Variants in PAX5 observed in about 807,000 individuals in gnomAD.
The protein encoded by PAX5 is paired box 5.
PAX5 carries 9 observed loss-of-function variants against 43.7 expected under a neutral mutation model. The observed-to-expected ratio is 0.21, with a 90% CI of 0.12 to 0.36. The LOEUF is 0.36. Ranked by LOEUF, PAX5 falls within the 10% of genes least tolerant of loss-of-function variation. PAX5 has a pLI of 1.00. For synonymous variants in PAX5, 228 were observed against 214.3 expected, an observed-to-expected ratio of 1.06 and a Z score of -0.56; for missense variants, 383 against 532.7, an observed-to-expected ratio of 0.72 and a Z score of 2.77.
intron 8 of PAX5, among the ~76,000 whole-genome samples, chr9:36,881,360 C>T (rs1826395229): frequency 6.6e-6 from 1 of 152,182 alleles, no homozygotes; most frequent in South Asian, 2.1e-4. Flanking sequence ...GGTATTCCTG[C>T]TATGCTAATG....
chr9:36,870,107 G>GATAA (rs1825350500), intron 8 of PAX5, among the ~76,000 whole-genome samples: 1 of 40,378 alleles, frequency 2.5e-5, no homozygotes, highest in Non-Finnish European at 4.9e-5. Flanking sequence ...TGGATGGATG[G>GATAA]ATGGATAAAT....
At chr9:36,926,440 G>C (rs1830645370) in intron 6 of PAX5, among the ~76,000 whole-genome samples, 1 of 152,224 alleles carries the variant, frequency 6.6e-6, no homozygotes, top group Non-Finnish European at 1.5e-5. Context: ...AGCCAGCAAA[G>C]TTTGGAAAAT....
At chr9:36,877,762 G>T (rs1186935858) in intron 8 of PAX5, among the ~76,000 whole-genome samples, 2 of 152,180 alleles carry the variant, frequency 1.3e-5, no homozygotes, top group African/African-American at 4.8e-5. Context: ...ACTCCCTGGA[G>T]CCTGATATAG....
intron 3 of PAX5, among the ~76,000 whole-genome samples, chr9:37,011,515 C>T (rs942320146): frequency 1.2e-4 from 18 of 152,184 alleles, no homozygotes; most frequent in African/African-American, 2.7e-4. Flanking sequence ...TTCAACCCAC[C>T]GTTTGGGTCA....
intron 3 of PAX5, among the ~76,000 whole-genome samples, chr9:37,012,958 A>G (rs1588227407): frequency 6.6e-6 from 1 of 152,304 alleles, no homozygotes; most frequent in African/African-American, 2.4e-5. Context: ...TTAAAAAAAT[A>G]TATAGATTAA....
At chr9:36,899,838 A>T (rs192722406) in intron 7 of PAX5, among the ~76,000 whole-genome samples, 1 of 152,124 alleles carries the variant, frequency 6.6e-6, no homozygotes. Context: ...TCAGGGCTCC[A>T]CTGCCACAAC....
chr9:37,004,505 G>C (rs1465414881), intron 4 of PAX5, among the ~76,000 whole-genome samples: 1 of 152,194 alleles, frequency 6.6e-6, no homozygotes, highest in African/African-American at 2.4e-5. Flanking sequence ...CTTCCCTTTG[G>C]AGCAGATCCA....
At chr9:36,886,498 T>C (rs1277989628) in intron 7 of PAX5, among the ~76,000 whole-genome samples, 1 of 152,094 alleles carries the variant, frequency 6.6e-6, no homozygotes, top group East Asian at 1.9e-4. Flanking sequence ...ACCTTCTCAG[T>C]CCCTTCCCTA....
intron 5 of PAX5, among the ~76,000 whole-genome samples, chr9:36,987,115 G>A (rs2132307501): frequency 6.6e-6 from 1 of 152,320 alleles, no homozygotes; most frequent in South Asian, 2.1e-4. Flanking sequence ...GCAGGCCAGA[G>A]AGTGGCCAGT....
At chr9:36,986,486 G>T (rs1256404159) in intron 5 of PAX5, among the ~76,000 whole-genome samples, 1 of 152,116 alleles carries the variant, frequency 6.6e-6, no homozygotes, top group African/African-American at 2.4e-5. Flanking sequence ...AGGCCGGCGC[G>T]AGCGGGCGGC....
At chr9:36,997,442 G>T (rs1408317003) in intron 5 of PAX5, among the ~76,000 whole-genome samples, 1 of 152,222 alleles carries the variant, frequency 6.6e-6, no homozygotes, top group East Asian at 1.9e-4. Flanking sequence ...GACCTAAGTG[G>T]GGAGAGCGGC....
chr9:36,974,811 G>A (rs574071282), intron 5 of PAX5, among the ~76,000 whole-genome samples: 1 of 152,062 alleles, frequency 6.6e-6, no homozygotes, highest in African/African-American at 2.4e-5. Flanking sequence ...AGGCTCCCCG[G>A]GGACAAAGCC....
intron 7 of PAX5, among the ~76,000 whole-genome samples, chr9:36,884,121 TA>T (rs1367932246): frequency 1.3e-5 from 2 of 152,204 alleles, no homozygotes; most frequent in South Asian, 2.1e-4. Flanking sequence ...CCAGGATATA[TA>T]AAACTAAGGA....
intron 7 of PAX5, among the ~76,000 whole-genome samples, chr9:36,909,021 C>T (rs1354795235): frequency 9.9e-5 from 15 of 152,170 alleles, no homozygotes; most frequent in Admixed American, 3.9e-4. Context: ...ATTTTAATTA[C>T]GAAGATGCTT....
intron 8 of PAX5, among the ~76,000 whole-genome samples, chr9:36,854,593 A>G (rs1358875547): frequency 6.6e-6 from 1 of 152,108 alleles, no homozygotes; most frequent in Non-Finnish European, 1.5e-5. Context: ...AGCTCTCAGA[A>G]GCTGTCTTCA....
intron 9 of PAX5, among the ~76,000 whole-genome samples, chr9:36,843,006 A>C (rs574713720): frequency 1.3e-5 from 2 of 151,678 alleles, no homozygotes; most frequent in East Asian, 3.9e-4. Flanking sequence ...GGATGTGAGC[A>C]TGTGTCTGTG....
At chr9:36,869,847 A>AATGG (rs113287865) in intron 8 of PAX5, among the ~76,000 whole-genome samples, 84,817 of 118,098 alleles carry the variant, frequency 0.72, 32,607 homozygotes, top group East Asian at 0.86. Context: ...TGGATGGATA[A>AATGG]ATGGATGGAT....
intron 6 of PAX5, among the ~76,000 whole-genome samples, chr9:36,963,167 A>T (rs1452346140): frequency 6.6e-6 from 1 of 152,246 alleles, no homozygotes; most frequent in Non-Finnish European, 1.5e-5. Context: ...GGTGAAGCAG[A>T]TTAACCAGAA....
intron 5 of PAX5, among the ~76,000 whole-genome samples, chr9:36,976,190 T>C (rs1161707589): frequency 2.0e-5 from 3 of 152,228 alleles, no homozygotes; most frequent in African/African-American, 4.8e-5. Context: ...TCAGTTGAGC[T>C]CTAAGCTCCC....
Sources: gnomAD v4.1 joint callset for allele counts (sites outside exome capture counted in the v4.1 genomes callset) on GRCh38, gnomAD v4.1.1 for gene constraint, MANE v1.5 for transcripts, NCBI Gene and HGNC (gene_info 2026-07-23, HGNC 2026-07-21) for gene names.